Variants in SCOC observed in about 807,000 individuals in gnomAD.
SCOC encodes short coiled-coil protein.
In SCOC, 7 loss-of-function variants were observed where a neutral mutation model predicts 9.9. That is an observed-to-expected ratio of 0.71 (90% CI 0.40 to 1.33). The LOEUF is 1.33. Ranked by LOEUF, SCOC falls within the 40% of genes most tolerant of loss-of-function variation. SCOC has a pLI of 0.01. For missense variants in SCOC, 66 were observed against 89.7 expected (o/e 0.74, Z 1.07); for synonymous variants, 19 against 28.2 (o/e 0.67, Z 1.03).
intron 2 of SCOC, among the ~76,000 whole-genome samples, chr4:140,353,451 G>A (rs1344403797): frequency 6.2e-5 from 9 of 144,076 alleles, no homozygotes; most frequent in African/African-American, 1.3e-4. Context: ...TCTCTCTGTC[G>A]CCAGGCTGGA....
chr4:140,279,245 C>T (rs1216487032), intron 1 of SCOC, among the ~76,000 whole-genome samples: 1 of 152,176 alleles, frequency 6.6e-6, no homozygotes, highest in Non-Finnish European at 1.5e-5. Flanking sequence ...TTTGCAGAGA[C>T]CCATCCAGGT....
At chr4:140,345,498 C>T (rs1304915218) in intron 2 of SCOC, among the ~76,000 whole-genome samples, 1 of 152,138 alleles carries the variant, frequency 6.6e-6, no homozygotes, top group Admixed American at 6.5e-5. Flanking sequence ...TTCATTTGAC[C>T]TGGTAACACT....
chr4:140,265,992 C>T (rs1730722094), intron 1 of SCOC, among the ~76,000 whole-genome samples: 1 of 152,186 alleles, frequency 6.6e-6, no homozygotes, highest in Non-Finnish European at 1.5e-5. Flanking sequence ...TCTGCTCTGT[C>T]CAGGGCTGTC....
intron 1 of SCOC, among the ~76,000 whole-genome samples, chr4:140,327,568 G>A (rs574026249): frequency 1.3e-5 from 2 of 152,272 alleles, no homozygotes; most frequent in South Asian, 4.1e-4. Context: ...GGGAGGCTGG[G>A]GCTTGATCCC....
intron 2 of SCOC, among the ~76,000 whole-genome samples, chr4:140,363,523 G>A (rs937989671): frequency 1.3e-5 from 2 of 152,132 alleles, no homozygotes; most frequent in African/African-American, 4.8e-5. Flanking sequence ...ATTATAAAAA[G>A]TTACAATTTA....
intron 1 of SCOC, among the ~76,000 whole-genome samples, chr4:140,292,299 G>A (rs1372051235): frequency 6.7e-6 from 1 of 150,296 alleles, no homozygotes; most frequent in Non-Finnish European, 1.5e-5. Context: ...AGTGATTCTC[G>A]TGCCTCACCC....
chr4:140,372,554 T>A (rs976363898), upstream of SCOC, among the ~76,000 whole-genome samples: 4 of 152,236 alleles, frequency 2.6e-5, no homozygotes. Flanking sequence ...TTTTCATTTA[T>A]TTAGCTCCTA....
chr4:140,363,885 C>T (rs1322229049), intron 2 of SCOC, among the ~76,000 whole-genome samples: 1 of 152,154 alleles, frequency 6.6e-6, no homozygotes, highest in Non-Finnish European at 1.5e-5. Flanking sequence ...GGCACCCATA[C>T]AAAGTGCCAC....
At chr4:140,288,754 A>G (rs1321072981) in intron 1 of SCOC, among the ~76,000 whole-genome samples, 8 of 151,734 alleles carry the variant, frequency 5.3e-5, no homozygotes, top group Non-Finnish European at 1.2e-4. Flanking sequence ...CACCACACAC[A>G]TCACCCTCAT....
At chr4:140,337,142 C>T (rs1211629026) in intron 1 of SCOC, among the ~76,000 whole-genome samples, 1 of 152,058 alleles carries the variant, frequency 6.6e-6, no homozygotes, top group Non-Finnish European at 1.5e-5. Flanking sequence ...ATATTAAACC[C>T]TTAGCAGATA....
intron 2 of SCOC, among the ~76,000 whole-genome samples, chr4:140,359,369 T>C (rs1727367119): frequency 6.6e-6 from 1 of 152,124 alleles, no homozygotes. Flanking sequence ...TGGGGGGAAT[T>C]GTATTTCTTC....
chr4:140,275,604 A>C (rs1560677845), intron 1 of SCOC, among the ~76,000 whole-genome samples: 1 of 152,166 alleles, frequency 6.6e-6, no homozygotes, highest in Non-Finnish European at 1.5e-5. Context: ...TCTAGGAAGC[A>C]ATCAGGGAGT....
At chr4:140,365,657 C>T (rs1727759730) in intron 2 of SCOC, among the ~76,000 whole-genome samples, 1 of 152,190 alleles carries the variant, frequency 6.6e-6, no homozygotes, top group Admixed American at 6.5e-5. Flanking sequence ...GGAAGACCAA[C>T]CCCTTCTCTT....
upstream of SCOC, among the ~76,000 whole-genome samples, chr4:140,371,031 G>A (rs1483555152): frequency 6.6e-6 from 1 of 151,768 alleles, no homozygotes; most frequent in Non-Finnish European, 1.5e-5. Context: ...GACTACAGGC[G>A]CCCGCCACCA....
chr4:140,371,256 A>G (rs1280591567), upstream of SCOC, among the ~76,000 whole-genome samples: 1 of 152,120 alleles, frequency 6.6e-6, no homozygotes, highest in Non-Finnish European at 1.5e-5. Flanking sequence ...TTGATTAGAG[A>G]TGGCTTCTCT....
At chr4:140,303,542 T>C (rs988590382) in intron 1 of SCOC, among the ~76,000 whole-genome samples, 3 of 152,214 alleles carry the variant, frequency 2.0e-5, no homozygotes, top group Admixed American at 2.0e-4. Context: ...CTTTCCTTTA[T>C]AGCTATCTAG....
At chr4:140,359,382 G>A (rs1727367372) in intron 2 of SCOC, among the ~76,000 whole-genome samples, 1 of 152,128 alleles carries the variant, frequency 6.6e-6, no homozygotes, top group Non-Finnish European at 1.5e-5. Flanking sequence ...ATTTCTTCTT[G>A]GTGGCTAGTT....
intron 2 of SCOC, among the ~76,000 whole-genome samples, chr4:140,362,273 CCTTACT>C (rs141980845): frequency 2.8e-3 from 81 of 28,928 alleles, no homozygotes; most frequent in African/African-American, 5.6e-3. Context: ...ACAGGTGTGT[CCTTACT>C]TCTTCTTCTT....
intron 2 of SCOC, among the ~76,000 whole-genome samples, chr4:140,361,268 C>G (rs1727455364): frequency 2.0e-5 from 3 of 149,808 alleles, no homozygotes; most frequent in Admixed American, 2.0e-4. Flanking sequence ...TAAGAGTACA[C>G]TTTAGGACTT....
Sources: gnomAD v4.1 joint callset for allele counts (sites outside exome capture counted in the v4.1 genomes callset) on GRCh38, gnomAD v4.1.1 for gene constraint, MANE v1.5 for transcripts, NCBI Gene and HGNC (gene_info 2026-07-23, HGNC 2026-07-21) for gene names.